The following CSMD2 variants were observed in gnomAD, a reference collection of about 807,000 sequenced individuals.
CSMD2 encodes the protein CUB and sushi domain-containing protein 2.
In CSMD2, 130 loss-of-function variants were observed where a neutral mutation model predicts 398.5. The ratio of observed to expected loss-of-function variants is 0.33; its 90% CI spans 0.28 to 0.38. CSMD2 has a LOEUF of 0.38. CSMD2 is among the 10% of genes least tolerant of loss of function. CSMD2 has a pLI of 1.00. For synonymous variants in CSMD2, 1,828 were observed against 1,908.5 expected (o/e 0.96, Z 1.10); for missense variants, 3,829 against 4,764.9 (o/e 0.80, Z 5.78).
At position 33,567,690 on chromosome 1, in the gene CSMD2, C is replaced by A. The variant is rs768382753; in HGVS notation, c.8283G>T (p.Val2761=). The A allele has an allele frequency of 2.5e-6, 4 of 1,614,156 alleles. No individual in the cohort carries two copies. Among genetic ancestry groups the A allele is most frequent in the Non-Finnish European group, 3.4e-6 (4 of 1,180,014 alleles). Reference sequence around the variant, plus strand: ...GGAAGCCAGCATTGCATTGGTACACCACACTGCCCCGGTAGCTGTAGTTCT... The same window carrying A: ...GGAAGCCAGCATTGCATTGGTACACAACACTGCCCCGGTAGCTGTAGTTCT... The part of the protein sequence containing the change: ...NGENYSYRGS[V]VYQCNAGFRL... The change falls in exon 53 of 71, where the codon GTG becomes GTT. Residue 2761 remains valine (V), a synonymous_variant. Coordinates refer to ENST00000373381, the MANE Select transcript of CSMD2 (RefSeq NM_001281956.2).
intron 13 of CSMD2, among the ~76,000 whole-genome samples, chr1:33,756,871 G>A (rs1341198996): frequency 4.6e-5 from 7 of 152,114 alleles, no homozygotes; most frequent in South Asian, 2.1e-4. Context: ...TGTTTATTGC[G>A]GCATTATTCA....
chr1:33,658,707 A>T (rs1228228541), intron 26 of CSMD2, among the ~76,000 whole-genome samples: 1 of 152,094 alleles, frequency 6.6e-6, no homozygotes, highest in Non-Finnish European at 1.5e-5. Context: ...ACAAAAAAAT[A>T]AAAAAGATTA....
intron 44 of CSMD2, chr1:33,600,535 G>T (rs954997517): frequency 2.0e-6 from 1 of 509,162 alleles, no homozygotes; most frequent in Non-Finnish European, 3.5e-6. Context: ...GCTAGAAAGT[G>T]CTAAGGGATA....
At chr1:34,142,882 C>T (rs1412548193) in intron 1 of CSMD2, among the ~76,000 whole-genome samples, 1 of 152,172 alleles carries the variant, frequency 6.6e-6, no homozygotes, top group Non-Finnish European at 1.5e-5. Context: ...ATTATCAGTG[C>T]TATTATTATT....
intron 3 of CSMD2, among the ~76,000 whole-genome samples, chr1:34,017,301 G>A (rs557281814): frequency 1.3e-5 from 2 of 152,318 alleles, no homozygotes; most frequent in Non-Finnish European, 2.9e-5. Flanking sequence ...CTGCAGCAAT[G>A]CAGAACGAAT....
At chr1:33,969,116 T>C (rs1012514021) in intron 3 of CSMD2, among the ~76,000 whole-genome samples, 1 of 152,128 alleles carries the variant, frequency 6.6e-6, no homozygotes, top group African/African-American at 2.4e-5. Context: ...AGAAAGAACA[T>C]GGTCAGAGAA....
chr1:33,727,117 C>T (rs989225471), intron 15 of CSMD2, among the ~76,000 whole-genome samples: 7 of 152,188 alleles, frequency 4.6e-5, no homozygotes, highest in Non-Finnish European at 8.8e-5. Context: ...GCCGGTACTC[C>T]CTGCTTCACT....
At chr1:33,674,141 T>C (rs940737621) in intron 25 of CSMD2, among the ~76,000 whole-genome samples, 14 of 152,034 alleles carry the variant, frequency 9.2e-5, no homozygotes, top group African/African-American at 3.4e-4. Context: ...GGCTAAATGC[T>C]CCAATTAAAA....
chr1:33,573,172 C>T (rs929924214), intron 49 of CSMD2, among the ~76,000 whole-genome samples: 2 of 152,186 alleles, frequency 1.3e-5, no homozygotes, highest in Non-Finnish European at 2.9e-5. Flanking sequence ...CTACTCAGGT[C>T]TGCCACATAC....
chr1:33,625,870 G>T (rs1317584920), intron 33 of CSMD2, among the ~76,000 whole-genome samples: 1 of 152,202 alleles, frequency 6.6e-6, no homozygotes, highest in Admixed American at 6.5e-5. Context: ...GGACCTGGGG[G>T]TGAAAACCAG....
At chr1:34,111,280 T>C (rs1416578545) in intron 1 of CSMD2, among the ~76,000 whole-genome samples, 1 of 152,218 alleles carries the variant, frequency 6.6e-6, no homozygotes, top group Non-Finnish European at 1.5e-5. Context: ...CCAGTTGGTG[T>C]GGCTCTGTCT....
chr1:33,651,099 G>A (rs1031776738), intron 28 of CSMD2, among the ~76,000 whole-genome samples: 29 of 152,130 alleles, frequency 1.9e-4, no homozygotes, highest in Non-Finnish European at 2.9e-5. Context: ...TGAGTGACAC[G>A]ATCACTCTGA....
chr1:33,821,581 T>A (rs533854352), intron 7 of CSMD2, among the ~76,000 whole-genome samples: 14 of 152,148 alleles, frequency 9.2e-5, no homozygotes, highest in Non-Finnish European at 2.1e-4. Context: ...CCATTCAATG[T>A]CCCATAAGGT....
chr1:33,724,432 G>C, intron 18 of CSMD2, 84 bp downstream of exon 18: 1 of 1,540,476 alleles, frequency 6.5e-7, no homozygotes, highest in Non-Finnish European at 8.9e-7. Context: ...ATGGGGTGAG[G>C]GAGTCAGTGG....
intron 13 of CSMD2, among the ~76,000 whole-genome samples, chr1:33,753,609 C>A (rs1056600753): frequency 1.3e-5 from 2 of 152,328 alleles, no homozygotes; most frequent in African/African-American, 4.8e-5. Context: ...GGGCTGCCAC[C>A]CTCCAGACTC....
intron 3 of CSMD2, among the ~76,000 whole-genome samples, chr1:33,959,511 C>A (rs1645277680): frequency 6.6e-6 from 1 of 152,146 alleles, no homozygotes; most frequent in Non-Finnish European, 1.5e-5. Context: ...CCAATTTAGT[C>A]CCAGTTTGCC....
chr1:34,129,800 G>A (rs1320049470), intron 1 of CSMD2, among the ~76,000 whole-genome samples: 1 of 152,212 alleles, frequency 6.6e-6, no homozygotes, highest in Non-Finnish European at 1.5e-5. Flanking sequence ...AGAGCATCCG[G>A]CAGCACTGCA....
chr1:33,744,314 A>G (rs1041813088), intron 13 of CSMD2, among the ~76,000 whole-genome samples: 5 of 152,202 alleles, frequency 3.3e-5, no homozygotes, highest in African/African-American at 1.2e-4. Flanking sequence ...TGGAAAAATG[A>G]TAGGTGTGCC....
intron 3 of CSMD2, among the ~76,000 whole-genome samples, chr1:33,962,463 T>C (rs745961979): frequency 7.9e-5 from 12 of 152,132 alleles, no homozygotes; most frequent in South Asian, 2.1e-4. Context: ...CAGGTTCTCA[T>C]AGGGGATTTG....
Sources: gnomAD v4.1 joint callset for allele counts (sites outside exome capture counted in the v4.1 genomes callset) on GRCh38, gnomAD v4.1.1 for gene constraint, MANE v1.5 for transcripts, NCBI Gene and HGNC (gene_info 2026-07-23, HGNC 2026-07-21) for gene names.